Variants in PHKB observed in about 807,000 individuals in gnomAD.
The protein encoded by PHKB is phosphorylase b kinase regulatory subunit beta.
PHKB carries 122 observed loss-of-function variants against 152.1 expected under a neutral mutation model. The ratio of observed to expected loss-of-function variants is 0.80; its 90% confidence interval spans 0.69 to 0.93. The LOEUF (loss-of-function observed/expected upper bound fraction) is 0.93. Among genes scored for constraint, PHKB ranks in the 40% least tolerant of loss-of-function variants. The pLI, the probability that PHKB is intolerant of heterozygous loss-of-function variation, is 0.00. For missense variants in PHKB, 1,304 were observed against 1,328.4 expected (o/e 0.98, Z 0.29); for synonymous variants, 436 against 464.9 (o/e 0.94, Z 0.80).
intron 4 of PHKB, among the ~76,000 whole-genome samples, chr16:47,503,382 A>G (rs898509334): frequency 5.9e-5 from 9 of 152,212 alleles, no homozygotes; most frequent in Non-Finnish European, 1.0e-4. Context: ...GGAACCTCAC[A>G]ATATCGATAA....
chr16:47,497,470 G>A lies in PHKB; in HGVS notation c.148G>A (p.Asp50Asn). ...PDNETLWDKL[D>N]HYYRIVKSTL... ...TAATGAAACTCTCTGGGATAAGTTG[G>A]ACCATTATTACAGAATTGGTGAGTA... The change falls in exon 2 of 31, where the codon GAC (aspartate) becomes AAC (asparagine). Residue 50 changes from aspartate to asparagine, a missense_variant. Physicochemically the swap from Asp to Asn is conservative, Grantham distance 23 (BLOSUM62 1). Coordinates refer to ENST00000323584, the MANE Select transcript of PHKB (RefSeq NM_000293.3). The A allele has an allele frequency of 6.2e-7, 1 of 1,604,536 alleles. No individual in the cohort carries two copies. The highest frequency in any genetic ancestry group is 8.5e-7 in the Non-Finnish European group (1 of 1,173,066).
intron 7 of PHKB, among the ~76,000 whole-genome samples, chr16:47,564,934 A>G (rs1597089528): frequency 6.8e-6 from 1 of 147,632 alleles, no homozygotes; most frequent in Non-Finnish European, 1.5e-5. Context: ...TGGGCTGTTT[A>G]TTCTGTTCCA....
intron 14 of PHKB, among the ~76,000 whole-genome samples, chr16:47,630,771 C>T (rs1209093989): frequency 6.6e-6 from 1 of 152,176 alleles, no homozygotes; most frequent in Non-Finnish European, 1.5e-5. Flanking sequence ...CTGAGTAAAG[C>T]TTATTTTCCT....
intron 10 of PHKB, among the ~76,000 whole-genome samples, chr16:47,589,889 A>G (rs1567317620): frequency 6.6e-6 from 1 of 152,114 alleles, no homozygotes; most frequent in Non-Finnish European, 1.5e-5. Flanking sequence ...GGTTCAAGCA[A>G]TTCTCCTGCC....
chr16:47,489,678 C>A (rs1177255487), intron 1 of PHKB, among the ~76,000 whole-genome samples: 1 of 152,146 alleles, frequency 6.6e-6, no homozygotes, highest in East Asian at 1.9e-4. Flanking sequence ...TCTTTACTGA[C>A]CATGGGTTAG....
Position 47,661,816 on chromosome 16 carries a change from TAGG to T in PHKB, c.2278+19_2278+21del. On this transcript the variant is annotated intron_variant, in intron 23 of 30. Coordinates refer to ENST00000323584, the MANE Select transcript of PHKB (RefSeq NM_000293.3). The stretch of plus-strand genomic sequence containing the variant: ...ACAAAGGAAGGTAAGCATGCATGTC[TAGG>T]AGAACATTTTAAGAGGACCTCTCTA... 6.5e-7 allele frequency: 1 copy of T among 1,541,098 alleles called. No individual in the cohort carries two copies. Among genetic ancestry groups the T allele is most frequent in the South Asian group, 1.1e-5 (1 of 89,600 alleles).
chr16:47,530,317 G>A (rs1021055185), intron 6 of PHKB, among the ~76,000 whole-genome samples: 1 of 151,980 alleles, frequency 6.6e-6, no homozygotes, highest in African/African-American at 2.4e-5. Context: ...TGTATTTTTA[G>A]TAGAGATGTG....
intron 14 of PHKB, among the ~76,000 whole-genome samples, chr16:47,615,131 T>C (rs1972492663): frequency 6.6e-6 from 1 of 152,198 alleles, no homozygotes; most frequent in South Asian, 2.1e-4. Context: ...ATGCCCCATT[T>C]CTTCTTGTCC....
At chr16:47,603,787 G>C (rs760081006) in intron 13 of PHKB, among the ~76,000 whole-genome samples, 2 of 152,168 alleles carry the variant, frequency 1.3e-5, no homozygotes, top group Non-Finnish European at 2.9e-5. Context: ...TTACAGGCAT[G>C]AGCCACCACG....
intron 14 of PHKB, among the ~76,000 whole-genome samples, chr16:47,639,433 A>G (rs1348142457): frequency 6.6e-6 from 1 of 152,244 alleles, no homozygotes; most frequent in African/African-American, 2.4e-5. Context: ...TGAATGGGGC[A>G]AAAGGTCCCA....
At chr16:47,516,805 T>G (rs1364966106) in intron 6 of PHKB, among the ~76,000 whole-genome samples, 1 of 152,210 alleles carries the variant, frequency 6.6e-6, no homozygotes, top group Non-Finnish European at 1.5e-5. Context: ...TCGTAAGAAA[T>G]TAATAATACC....
chr16:47,463,757 AAAGAG>A, intron 1 of PHKB: 1 of 631,958 alleles, frequency 1.6e-6, no homozygotes. Context: ...TCAAGTCATA[AAAGAG>A]AAAATAAAAT....
chr16:47,608,517 G>C (rs775849532), intron 13 of PHKB, among the ~76,000 whole-genome samples: 8 of 152,178 alleles, frequency 5.3e-5, no homozygotes, highest in Non-Finnish European at 1.0e-4. Flanking sequence ...TTTGAGACCA[G>C]CCTGGCCAAC....
chr16:47,511,466 G>C (rs1323457040), intron 4 of PHKB, among the ~76,000 whole-genome samples, 199 bp from the exon 5 acceptor site: 2 of 152,154 alleles, frequency 1.3e-5, no homozygotes, highest in Non-Finnish European at 2.9e-5. Context: ...AATATCAATT[G>C]AGAATCATGT....
At chr16:47,549,317 A>T (rs377722673) in intron 7 of PHKB, among the ~76,000 whole-genome samples, 5 of 152,218 alleles carry the variant, frequency 3.3e-5, no homozygotes, top group African/African-American at 9.6e-5. Context: ...TTTCTTAATA[A>T]GCATTTAATA....
At chr16:47,497,966 C>G (rs548125977) in intron 2 of PHKB, among the ~76,000 whole-genome samples, 1 of 152,172 alleles carries the variant, frequency 6.6e-6, no homozygotes, top group South Asian at 2.1e-4. Flanking sequence ...CCAGGACCAG[C>G]CTTGCAAATT....
intron 14 of PHKB, among the ~76,000 whole-genome samples, chr16:47,628,464 A>G (rs1205180566): frequency 6.6e-6 from 1 of 152,162 alleles, no homozygotes; most frequent in East Asian, 1.9e-4. Context: ...CCCGGCAGGC[A>G]GAGCTTGCAA....
chr16:47,601,182 A>G (rs555800356), intron 13 of PHKB, among the ~76,000 whole-genome samples: 2 of 152,300 alleles, frequency 1.3e-5, no homozygotes, highest in African/African-American at 2.4e-5. Context: ...GCACCACTGC[A>G]CTGTAGCCTG....
At chr16:47,590,252 A>C (rs1220883230) in intron 10 of PHKB, 3 of 151,466 alleles carry the variant, frequency 2.0e-5, no homozygotes, top group Non-Finnish European at 4.4e-5. Flanking sequence ...TTGCAGAAAA[A>C]CTAGACAAGC....
Sources: allele counts gnomAD v4.1 joint callset (sites outside exome capture counted in the v4.1 genomes callset), GRCh38; gene constraint gnomAD v4.1.1; transcripts MANE v1.5; gene names NCBI Gene and HGNC (gene_info 2026-07-23, HGNC 2026-07-21).